The following KIF3B variants were observed in gnomAD, a reference collection of about 807,000 sequenced individuals.
KIF3B encodes kinesin-like protein KIF3B.
A neutral mutation model predicts 74.3 loss-of-function variants in KIF3B; 38 were observed. The observed-to-expected ratio is 0.51, with a 90% confidence interval of 0.39 to 0.67. The LOEUF (loss-of-function observed/expected upper bound fraction) is 0.67, where lower values mean the gene tolerates loss of function less well. KIF3B is among the 30% of genes least tolerant of loss of function. KIF3B has a pLI of 0.00. For missense variants in KIF3B, 649 were observed against 932.0 expected, an observed-to-expected ratio of 0.70 and a Z score of 3.95; for synonymous variants, 326 against 342.5, an observed-to-expected ratio of 0.95 and a Z score of 0.53.
In KIF3B at chr20:32,333,656, A is replaced by C. The variant is rs1042319358; in HGVS notation, c.*2337A>C. 1 of 151,388 alleles carries C rather than the reference A, an allele frequency of 6.6e-6. No homozygotes were observed. Among genetic ancestry groups the C allele is most frequent in the South Asian group, 2.1e-4 (1 of 4,816 alleles). The allele number at this position is 151,388 out of a possible 1,614,324, so 9.4% of individuals were successfully genotyped here. On this transcript the variant is annotated 3_prime_UTR_variant, in exon 9 of 9. Transcript: ENST00000375712. ...TCAAAAAAAAAAAAAAAAAAAAAAA[A>C]AACAGAAAGAAAGAAAAAGAAAACT...
chr20:32,295,334 C>T (rs748476416), intron 1 of KIF3B, among the ~76,000 whole-genome samples: 7 of 151,964 alleles, frequency 4.6e-5, no homozygotes, highest in Non-Finnish European at 8.8e-5. Flanking sequence ...GCTCTGTCGC[C>T]CAGGCTGGAG....
chr20:32,331,224 C>A lies in KIF3B; in HGVS notation c.2149C>A (p.Pro717Thr). Residue 717 changes from proline (P) to threonine (T), a missense_variant and splice_region_variant, in exon 9 of 9, where the codon CCT becomes ACT. This residue lies in a region of KIF3B where 186 missense variants were observed against 198.5 expected (regional missense o/e 0.94). Coordinates refer to ENST00000375712, the MANE Select transcript of KIF3B (RefSeq NM_004798.4). ...STANKKSKARPKSGRKSGSSS... is the reference protein window; with the variant it reads ...STANKKSKARTKSGRKSGSSS... ...TAAACATGTGTTTGACTTTTGCAGG[C>A]CTAAAAGTGGAAGGAAGTCGGGATC... The A allele has an allele frequency of 6.2e-7, 1 of 1,611,974 alleles. No individual in the cohort carries two copies. Among genetic ancestry groups the A allele is most frequent in the South Asian group, 1.1e-5 (1 of 90,988 alleles).
Position 32,310,397 on chromosome 20 carries a change from A to G in KIF3B, c.620A>G (p.Asn207Ser), listed in dbSNP as rs1383065477. Residue 207 changes from asparagine to serine, a missense_variant, in exon 2 of 9, where the codon AAC (asparagine) becomes AGC (serine). Physicochemically the swap from Asn to Ser is conservative, Grantham distance 46. Transcript: ENST00000375712. The surrounding 1 kb of genome is among the most constrained non-coding windows in gnomAD (Gnocchi z 6.5). ...GNQNRSVGAT[N>S]MNEHSSRSHA... ...CAGAACCGTTCTGTCGGTGCTACCA[A>G]CATGAACGAGCACAGCTCGCGTTCT... The G allele has an allele frequency of 6.2e-7, 1 of 1,614,216 alleles. No homozygotes were observed. The highest frequency in any genetic ancestry group is 2.2e-5 in the East Asian group (1 of 44,884).
intron 1 of KIF3B, among the ~76,000 whole-genome samples, chr20:32,286,572 T>TA (rs1440932752): frequency 6.6e-6 from 1 of 152,176 alleles, no homozygotes; most frequent in South Asian, 2.1e-4. Flanking sequence ...TAAAAATATA[T>TA]AATTTTTTCC....
At position 32,316,551 on chromosome 20, in the gene KIF3B, C is replaced by T; in HGVS notation, c.1531C>T (p.Gln511Ter). ...EQKRREREIQ[Q>*]QMESRDEETL... ...GAAACGTCGAGAAAGAGAAATCCAG[C>T]AACAGATGGAAAGTCGAGATGAGGA... Residue 511 changes from glutamine to a stop codon, truncating the protein, a stop_gained, in exon 4 of 9, where the codon CAA (glutamine) becomes TAA (stop). Coordinates refer to ENST00000375712, the MANE Select transcript of KIF3B (RefSeq NM_004798.4). LOFTEE classifies it high-confidence loss of function. The T allele has an allele frequency of 6.2e-7, 1 of 1,613,932 alleles. No individual in the cohort carries two copies. Among genetic ancestry groups the T allele is most frequent in the Non-Finnish European group, 8.5e-7 (1 of 1,179,964 alleles).
intron 1 of KIF3B, among the ~76,000 whole-genome samples, chr20:32,288,897 AAT>A (rs1174142881): frequency 6.6e-6 from 1 of 152,190 alleles, no homozygotes; most frequent in Admixed American, 6.5e-5. Context: ...TCATCATATT[AAT>A]AAAATAAATC....
At chr20:32,296,954 G>C (rs1046137121) in intron 1 of KIF3B, among the ~76,000 whole-genome samples, 1 of 152,054 alleles carries the variant, frequency 6.6e-6, no homozygotes, top group Non-Finnish European at 1.5e-5. Flanking sequence ...ACGGAGTCCT[G>C]ATACTTCAAA....
chr20:32,306,903 C>G (rs930098698), intron 1 of KIF3B, among the ~76,000 whole-genome samples: 1 of 151,992 alleles, frequency 6.6e-6, no homozygotes, highest in Non-Finnish European at 1.5e-5. Flanking sequence ...TTTCCTCTCT[C>G]TTTAGGCTTC....
intron 6 of KIF3B, 25 bp from the exon 7 acceptor site, chr20:32,327,531 C>CTTT (rs2047909884): frequency 6.3e-7 from 1 of 1,599,572 alleles, no homozygotes; most frequent in African/African-American, 1.3e-5. Context: ...CCAGCCAGGG[C>CTTT]TTTAACACTG....
At chr20:32,325,932 G>A (rs568525837) in intron 5 of KIF3B, among the ~76,000 whole-genome samples, 2 of 151,930 alleles carry the variant, frequency 1.3e-5, no homozygotes, top group East Asian at 3.9e-4. Flanking sequence ...CTCCCAAAGT[G>A]TTAGGATTAC....
intron 5 of KIF3B, among the ~76,000 whole-genome samples, chr20:32,320,149 C>CCT (rs1370756081): frequency 1.3e-5 from 2 of 152,258 alleles, no homozygotes; most frequent in East Asian, 3.9e-4. Flanking sequence ...CCCGCCTCAG[C>CCT]CTCCCAAAAT....
At chr20:32,304,098 A>T (rs2047757558) in intron 1 of KIF3B, among the ~76,000 whole-genome samples, 1 of 152,216 alleles carries the variant, frequency 6.6e-6, no homozygotes, top group Non-Finnish European at 1.5e-5. Context: ...AGATTTACAG[A>T]AAACGGGTTC....
intron 6 of KIF3B, 80 bp downstream of exon 6, chr20:32,326,964 C>A: frequency 2.7e-6 from 2 of 735,670 alleles, no homozygotes; most frequent in Admixed American, 2.4e-5. Flanking sequence ...CTCTGGTCAA[C>A]AAAGGGGTTT....
intron 1 of KIF3B, among the ~76,000 whole-genome samples, chr20:32,291,887 G>C (rs2047693023): frequency 6.6e-6 from 1 of 151,810 alleles, no homozygotes; most frequent in South Asian, 2.1e-4. Context: ...AAAGTGCTGG[G>C]ATTACAGGTG....
At chr20:32,328,672 C>T (rs1242873993) in intron 7 of KIF3B, among the ~76,000 whole-genome samples, 1 of 151,538 alleles carries the variant, frequency 6.6e-6, no homozygotes, top group African/African-American at 2.4e-5. Flanking sequence ...CTGTCATGGC[C>T]AGTAAATATT....
chr20:32,298,282 C>G (rs1437822694), intron 1 of KIF3B, among the ~76,000 whole-genome samples: 1 of 151,432 alleles, frequency 6.6e-6, no homozygotes, highest in Non-Finnish European at 1.5e-5. Flanking sequence ...CAAACAGATA[C>G]AACAATTAAT....
intron 5 of KIF3B, among the ~76,000 whole-genome samples, chr20:32,323,786 G>A (rs894688560): frequency 6.6e-6 from 1 of 151,706 alleles, no homozygotes; most frequent in Non-Finnish European, 1.5e-5. Context: ...GCTGAGGCAG[G>A]AAAATTGCTT....
At chr20:32,307,873 C>G (rs1273437990) in intron 1 of KIF3B, among the ~76,000 whole-genome samples, 3 of 144,714 alleles carry the variant, frequency 2.1e-5, no homozygotes, top group Admixed American at 7.1e-5. Flanking sequence ...GAGCCGAGAT[C>G]GTGCCACTGT....
chr20:32,282,691 G>C (rs1384388697), intron 1 of KIF3B, among the ~76,000 whole-genome samples: 2 of 152,198 alleles, frequency 1.3e-5, no homozygotes, highest in African/African-American at 2.4e-5. Flanking sequence ...CTTGGCTGAG[G>C]GAGCCTGGCC....
Sources: gnomAD v4.1 joint callset for allele counts (sites outside exome capture counted in the v4.1 genomes callset) on GRCh38, gnomAD v4.1.1 for gene constraint, gnomAD v4.1.1 regional missense constraint, Gnocchi (gnomAD v3.1) non-coding constraint, MANE v1.5 for transcripts, NCBI Gene and HGNC (gene_info 2026-07-23, HGNC 2026-07-21) for gene names.